CADM1: variants seen among roughly 807,000 people sequenced by gnomAD.
CADM1 encodes the protein TSLC-1.
A neutral mutation model predicts 53.1 loss-of-function variants in CADM1; 15 were observed. The ratio of observed to expected loss-of-function variants is 0.28; its 90% CI spans 0.19 to 0.44. The LOEUF is 0.44. CADM1 is among the 20% of genes least tolerant of loss of function. The pLI, the probability that CADM1 is intolerant of heterozygous loss-of-function variation, is 1.00. For missense variants in CADM1, 434 were observed against 611.3 expected (o/e 0.71, Z 3.06); for synonymous variants, 281 against 243.0 (o/e 1.16, Z -1.45).
At chr11:115,288,461 G>GA (rs58675187) in intron 1 of CADM1, among the ~76,000 whole-genome samples, 96 of 148,980 alleles carry the variant, frequency 6.4e-4, no homozygotes, top group Middle Eastern at 3.5e-3. Flanking sequence ...TTATGATTAA[G>GA]AAAAAAAAAA....
intron 1 of CADM1, among the ~76,000 whole-genome samples, chr11:115,456,974 G>C (rs1334737709): frequency 6.6e-6 from 1 of 152,010 alleles, no homozygotes; most frequent in African/African-American, 2.4e-5. Flanking sequence ...AGTAAGGACA[G>C]GAACCTCTGT....
At chr11:115,383,865 T>C (rs1186243342) in intron 1 of CADM1, among the ~76,000 whole-genome samples, 1 of 152,096 alleles carries the variant, frequency 6.6e-6, no homozygotes, top group Non-Finnish European at 1.5e-5. Context: ...CATCCTTAAT[T>C]ACCTTTCATA....
chr11:115,412,647 T>C (rs1247625593), intron 1 of CADM1, among the ~76,000 whole-genome samples: 1 of 152,238 alleles, frequency 6.6e-6, no homozygotes, highest in African/African-American at 2.4e-5. Flanking sequence ...TGAGAGATAA[T>C]AATCCACAGG....
intron 1 of CADM1, among the ~76,000 whole-genome samples, chr11:115,321,943 G>A (rs982005850): frequency 2.0e-5 from 3 of 152,150 alleles, no homozygotes; most frequent in African/African-American, 7.2e-5. Context: ...GGTCACAACA[G>A]AGCACTGGCA....
At chr11:115,190,705 C>T in intron 10 of CADM1, 183 bp downstream of exon 10, 1 of 572,386 alleles carries the variant, frequency 1.7e-6, no homozygotes. Context: ...ATAAATATCG[C>T]TACCACAGAG....
chr11:115,197,857 A>C (rs562695622), intron 9 of CADM1, among the ~76,000 whole-genome samples: 1 of 152,344 alleles, frequency 6.6e-6, no homozygotes, highest in South Asian at 2.1e-4. Flanking sequence ...GGTGGGGTAC[A>C]TATGATTAGC....
At chr11:115,442,676 T>G (rs892338349) in intron 1 of CADM1, among the ~76,000 whole-genome samples, 6 of 152,216 alleles carry the variant, frequency 3.9e-5, no homozygotes, top group African/African-American at 1.4e-4. Flanking sequence ...TAGGGTTTTT[T>G]GCTGTTTGCC....
chr11:115,291,038 C>T (rs930887488), intron 1 of CADM1, among the ~76,000 whole-genome samples: 10 of 152,100 alleles, frequency 6.6e-5, no homozygotes, highest in South Asian at 2.1e-4. Context: ...TTCAAGATAG[C>T]GTAGTGCCCA....
intron 1 of CADM1, among the ~76,000 whole-genome samples, chr11:115,448,116 G>C (rs1035031630): frequency 5.3e-5 from 8 of 152,070 alleles, no homozygotes; most frequent in African/African-American, 1.9e-4. Context: ...TTCTAGACCA[G>C]TGCCTGGCAT....
Position 115,258,170 on chromosome 11 carries a change from T to G in CADM1, c.125-17750A>C, listed in dbSNP as rs781605162. Among the ~76,000 whole-genome samples the G allele has an allele frequency of 2.0e-5, 3 of 152,178 alleles. No individual in the cohort carries two copies. The South Asian group carries it at 6.2e-4, about 32-fold the overall frequency. Reference sequence around the variant, plus strand: ...GAGGACTTTTCTCATGGCCAGATCGTGTCCTTTCCATGTAAACGACCCCCT... The same window carrying G: ...GAGGACTTTTCTCATGGCCAGATCGGGTCCTTTCCATGTAAACGACCCCCT... On this transcript the variant is annotated intron_variant, in intron 1 of 11. Coordinates refer to ENST00000331581, the MANE Select transcript of CADM1 (RefSeq NM_001301043.2).
chr11:115,260,835 G>T (rs576778888), intron 1 of CADM1, among the ~76,000 whole-genome samples: 113 of 128,904 alleles, frequency 8.8e-4, no homozygotes, highest in Non-Finnish European at 1.3e-3. Context: ...ACCACCCCCG[G>T]CTAATTTTTT....
chr11:115,488,832 C>T (rs1171644984), intron 1 of CADM1, among the ~76,000 whole-genome samples: 8 of 152,098 alleles, frequency 5.3e-5, no homozygotes, highest in African/African-American at 1.7e-4. Context: ...TTTTTTTAAA[C>T]ACAGCAAAAA....
intron 1 of CADM1, among the ~76,000 whole-genome samples, chr11:115,400,240 C>T (rs1947102261): frequency 6.6e-6 from 1 of 151,960 alleles, no homozygotes; most frequent in African/African-American, 2.4e-5. Context: ...TGTCTGTGTT[C>T]TACATCAGGA....
At chr11:115,354,362 G>A (rs1945809753) in intron 1 of CADM1, among the ~76,000 whole-genome samples, 1 of 152,220 alleles carries the variant, frequency 6.6e-6, no homozygotes, top group South Asian at 2.1e-4. Flanking sequence ...GAGATCAAGT[G>A]AATATGCAAG....
In CADM1 at chr11:115,175,121, T is replaced by C; in HGVS notation, c.*1353A>G. The C allele has an allele frequency of 5.1e-6, 5 of 985,730 alleles. No homozygotes were observed. The highest frequency in any genetic ancestry group is 6.0e-6 in the Non-Finnish European group (5 of 829,902). The allele number at this position is 985,730 out of a possible 1,614,324, so 61.1% of individuals were successfully genotyped here. A position where few individuals can be genotyped will look rare whatever the true frequency, so the allele number is the denominator to read the frequency against. On this transcript the variant is annotated 3_prime_UTR_variant, in exon 12 of 12. Coordinates refer to ENST00000331581, the MANE Select transcript of CADM1 (RefSeq NM_001301043.2). Reference sequence around the variant, plus strand: ...AAAGATAAAAACACTCACATTTGAGTTTTGATTAAGTAACTGAAAATCCGT... The same window carrying C: ...AAAGATAAAAACACTCACATTTGAGCTTTGATTAAGTAACTGAAAATCCGT...
intron 8 of CADM1, 64 bp from the exon 9 acceptor site, chr11:115,198,502 G>A: frequency 7.9e-7 from 1 of 1,271,064 alleles, no homozygotes; most frequent in Non-Finnish European, 1.1e-6. Flanking sequence ...GCAAAAAAAG[G>A]GAAAATGGAA....
intron 6 of CADM1, among the ~76,000 whole-genome samples, chr11:115,215,039 A>G (rs1941119315): frequency 6.6e-6 from 1 of 152,236 alleles, no homozygotes; most frequent in African/African-American, 2.4e-5. Context: ...AAATCAACAA[A>G]TAAAACAGTG....
At chr11:115,293,123 G>A (rs1192892931) in intron 1 of CADM1, among the ~76,000 whole-genome samples, 1 of 152,150 alleles carries the variant, frequency 6.6e-6, no homozygotes, top group African/African-American at 2.4e-5. Flanking sequence ...AGTTTCCAAT[G>A]ACTTTTTTTA....
At chr11:115,375,747 CTAATAA>C (rs528230983) in intron 1 of CADM1, among the ~76,000 whole-genome samples, 32 of 151,266 alleles carry the variant, frequency 2.1e-4, no homozygotes, top group African/African-American at 6.5e-4. Flanking sequence ...AGGGAGTATG[CTAATAA>C]TAATAATAAT....
Sources: allele counts gnomAD v4.1 joint callset (sites outside exome capture counted in the v4.1 genomes callset), GRCh38; gene constraint gnomAD v4.1.1; transcripts MANE v1.5; gene names NCBI Gene and HGNC (gene_info 2026-07-23, HGNC 2026-07-21).